Variants in LAMA1 observed in about 807,000 individuals in gnomAD.
LAMA1 encodes the protein laminin subunit alpha-1.
Under a neutral mutation model 348.7 loss-of-function variants are expected in LAMA1, and 219 were observed. The ratio of observed to expected loss-of-function variants is 0.63; its 90% CI spans 0.56 to 0.70. The LOEUF (loss-of-function observed/expected upper bound fraction) is 0.70. Ranked by LOEUF, LAMA1 falls within the 30% of genes least tolerant of loss-of-function variation. The probability of loss-of-function intolerance (pLI) is 0.00; values close to 1 mark genes in which losing one functional copy is unlikely to be tolerated. For missense variants in LAMA1, 3,744 were observed against 3,888.0 expected, an observed-to-expected ratio of 0.96 and a Z score of 0.99; for synonymous variants, 1,487 against 1,491.0, an observed-to-expected ratio of 1.00 and a Z score of 0.06.
chr18:7,001,297 G>A (rs564432390), intron 30 of LAMA1, among the ~76,000 whole-genome samples: 6 of 142,698 alleles, frequency 4.2e-5, no homozygotes, highest in East Asian at 2.0e-4. Context: ...TCAATTCCCC[G>A]TAAGTAGATA....
At chr18:7,066,422 A>C (rs1176014806) in intron 3 of LAMA1, among the ~76,000 whole-genome samples, 27 of 152,230 alleles carry the variant, frequency 1.8e-4, no homozygotes, top group Admixed American at 1.8e-3. Context: ...AATGAGACTT[A>C]GAGTCAAATC....
At chr18:6,989,289 C>T (rs2057748936) in intron 36 of LAMA1, among the ~76,000 whole-genome samples, 1 of 152,120 alleles carries the variant, frequency 6.6e-6, no homozygotes, top group South Asian at 2.1e-4. Context: ...TTCCATCTGG[C>T]TGGACTTCCT....
intron 21 of LAMA1, 122 bp from the exon 22 acceptor site, chr18:7,015,980 C>A: frequency 8.4e-7 from 1 of 1,193,526 alleles, no homozygotes; most frequent in Non-Finnish European, 1.2e-6. Flanking sequence ...TAAAAGACGC[C>A]TCACAATTCC....
intron 16 of LAMA1, among the ~76,000 whole-genome samples, chr18:7,026,557 A>T (rs1220191096): frequency 6.6e-6 from 1 of 152,214 alleles, no homozygotes. Context: ...ATCAGAATTA[A>T]TATCACCAGT....
chr18:6,995,521 AT>A (rs2057777538), intron 33 of LAMA1, 75 bp from the exon 34 acceptor site: 1 of 825,442 alleles, frequency 1.2e-6, no homozygotes, highest in Admixed American at 1.8e-5. Context: ...AAGCACTTGC[AT>A]TTCTTTTTTG....
Position 6,965,450 on chromosome 18 carries a change from C to T in LAMA1, c.7051-18G>A. The T allele has an allele frequency of 3.7e-6, 6 of 1,614,048 alleles. No homozygotes were observed. Among genetic ancestry groups the T allele is most frequent in the East Asian group, 4.5e-5 (2 of 44,878 alleles). On this transcript the variant is annotated intron_variant, in intron 49 of 62. Coordinates refer to ENST00000389658, the MANE Select transcript of LAMA1 (RefSeq NM_005559.4). ...AAGTCTTTCTGTAAAAAAGAGAACA[C>T]AGTTCCCCAGGTTATAGCTTTATCC...
intron 33 of LAMA1, among the ~76,000 whole-genome samples, chr18:6,997,133 G>A (rs369731545): frequency 4.0e-5 from 6 of 151,300 alleles, no homozygotes; most frequent in Non-Finnish European, 7.4e-5. Context: ...GTGTGATCTC[G>A]GCTCACTGCA....
rs542047930 is a variant in LAMA1, at chr18:7,055,487, G to A, written c.346-4551C>T. 4.0e-5 allele frequency among the ~76,000 whole-genome samples: 6 copies of A among 148,340 alleles called. No homozygotes were observed. The South Asian group carries it at 6.4e-4, about 16-fold the overall frequency. ...AAAAAAAAAAAAAAAATTTACCCAC[G>A]TACACACACATACACATATATGTGT... On this transcript the variant is annotated intron_variant, in intron 3 of 62. Transcript: ENST00000389658.
At chr18:7,071,583 C>G (rs992458856) in intron 3 of LAMA1, among the ~76,000 whole-genome samples, 9 of 152,208 alleles carry the variant, frequency 5.9e-5, no homozygotes, top group African/African-American at 2.2e-4. Context: ...GATTCTTAGG[C>G]AAATGATGCG....
intron 19 of LAMA1, among the ~76,000 whole-genome samples, chr18:7,019,358 C>T (rs1391151926): frequency 1.3e-5 from 2 of 152,086 alleles, no homozygotes; most frequent in Non-Finnish European, 2.9e-5. Flanking sequence ...CCTCTTGTTT[C>T]TCGTGTGTCT....
chr18:7,060,882 G>C (rs1055958024), intron 3 of LAMA1, among the ~76,000 whole-genome samples: 3 of 152,142 alleles, frequency 2.0e-5, no homozygotes, highest in African/African-American at 7.2e-5. Context: ...CAGGCTGGGG[G>C]TGGTGGCTCA....
chr18:7,015,630 T>TA (rs2057883887), intron 22 of LAMA1, 92 bp downstream of exon 22: 2 of 1,478,024 alleles, frequency 1.4e-6, no homozygotes, highest in East Asian at 4.5e-5. Flanking sequence ...TTCAACAGAT[T>TA]AAAGTCCAGA....
intron 54 of LAMA1, 132 bp from the exon 55 acceptor site, chr18:6,958,794 C>T (rs1252882952): frequency 1.4e-6 from 1 of 727,642 alleles, no homozygotes; most frequent in Non-Finnish European, 2.3e-6. Flanking sequence ...TAACAAGACA[C>T]TGTCTGTGAC....
chr18:7,017,726 C>T (rs190521696), intron 19 of LAMA1, among the ~76,000 whole-genome samples: 5 of 152,228 alleles, frequency 3.3e-5, no homozygotes, highest in Non-Finnish European at 5.9e-5. Context: ...ATCAACTTAG[C>T]CATTTGCCCT....
intron 9 of LAMA1, 128 bp downstream of exon 9, chr18:7,042,017 C>G (rs1568043121): frequency 1.4e-6 from 1 of 725,182 alleles, no homozygotes; most frequent in African/African-American, 1.8e-5. Context: ...GTGCTTGATA[C>G]GTACTTGGTG....
intron 7 of LAMA1, among the ~76,000 whole-genome samples, chr18:7,044,319 G>A (rs1265474972): frequency 1.3e-5 from 2 of 152,034 alleles, no homozygotes; most frequent in South Asian, 2.1e-4. Context: ...TAAAAAGTGC[G>A]AAGGAGGGAG....
chr18:7,096,419 ATAATCCC>A (rs941479016), intron 1 of LAMA1, among the ~76,000 whole-genome samples: 23 of 152,302 alleles, frequency 1.5e-4, no homozygotes, highest in Admixed American at 1.3e-3. Context: ...GCTCACACCT[ATAATCCC>A]AGCATTTTGA....
chr18:6,982,279 C>A (rs2057715188), intron 41 of LAMA1, among the ~76,000 whole-genome samples: 1 of 152,078 alleles, frequency 6.6e-6, no homozygotes, highest in Non-Finnish European at 1.5e-5. Flanking sequence ...AATAAAGGAA[C>A]AGATATCACT....
chr18:6,975,306 C>T lies in LAMA1; in HGVS notation c.6490-270G>A, dbSNP rs181365751. Among the ~76,000 whole-genome samples the T allele has an allele frequency of 4.0e-4, 61 of 152,240 alleles. No homozygotes were observed. The Middle Eastern group carries it at 0.017, about 42-fold the overall frequency. On this transcript the variant is annotated intron_variant, in intron 45 of 62. Coordinates refer to ENST00000389658, the MANE Select transcript of LAMA1 (RefSeq NM_005559.4). ...CTCCCACAGAGTCCCCAGGAAAATTCGCTGCAGGTCACAGGCAGTCCACAG... is the reference window on the plus strand; with the variant it reads ...CTCCCACAGAGTCCCCAGGAAAATTTGCTGCAGGTCACAGGCAGTCCACAG...
Sources: allele counts gnomAD v4.1 joint callset (sites outside exome capture counted in the v4.1 genomes callset), GRCh38; gene constraint gnomAD v4.1.1; transcripts MANE v1.5; gene names NCBI Gene and HGNC (gene_info 2026-07-23, HGNC 2026-07-21).